CFAP107: variants seen among roughly 807,000 people sequenced by gnomAD.
CFAP107 encodes cilia- and flagella-associated protein 107.
At chr1:12,751,858 C>T in the CFAP107 span, among the ~76,000 whole-genome samples, 3 of 151,956 alleles carry the variant, frequency 2.0e-5, no homozygotes, top group African/African-American at 4.8e-5. Flanking sequence ...ATATAATTCT[C>T]CATGAAATGG....
the CFAP107 span, chr1:12,761,080 A>G: frequency 1.1e-6 from 1 of 873,612 alleles, no homozygotes; most frequent in South Asian, 1.9e-5. Flanking sequence ...TGCTCTCAGA[A>G]TCATCATCTG....
the CFAP107 span, chr1:12,759,588 C>G: frequency 4.9e-5 from 68 of 1,382,916 alleles, no homozygotes; most frequent in Non-Finnish European, 6.9e-5. Flanking sequence ...CACAGGTGAC[C>G]CTGGCTCCAG....
chr1:12,759,518 G>T, the CFAP107 span: 24 of 1,613,408 alleles, frequency 1.5e-5, no homozygotes, highest in Non-Finnish European at 2.0e-5. Context: ...ATTCCTCTGC[G>T]TTGGTCTGTA....
At chr1:12,748,519 G>T in the CFAP107 span, among the ~76,000 whole-genome samples, 276 of 149,964 alleles carry the variant, frequency 1.8e-3, 1 homozygote, top group African/African-American at 6.1e-3. Flanking sequence ...CCAGAAAAGA[G>T]TTGAGAATAT....
chr1:12,760,846 C>A, the CFAP107 span: 3 of 1,614,190 alleles, frequency 1.9e-6, no homozygotes, highest in East Asian at 2.2e-5. Context: ...TGAAGCAGAG[C>A]ACTTATACTT....
chr1:12,759,400 G>C, the CFAP107 span: 1 of 1,614,022 alleles, frequency 6.2e-7, no homozygotes, highest in African/African-American at 1.3e-5. Flanking sequence ...CAACCGGCAT[G>C]GTTACAACCC....
the CFAP107 span, among the ~76,000 whole-genome samples, chr1:12,757,162 A>C: frequency 6.6e-6 from 1 of 152,048 alleles, no homozygotes; most frequent in South Asian, 2.1e-4. Flanking sequence ...TGAGGTATTG[A>C]CCCTAGTTTT....
the CFAP107 span, among the ~76,000 whole-genome samples, chr1:12,751,559 G>A: frequency 3.3e-5 from 5 of 152,044 alleles, no homozygotes; most frequent in South Asian, 2.1e-4. Context: ...CCTGGGAGGC[G>A]GAGGTTTCAG....
At chr1:12,755,404 C>CA in the CFAP107 span, among the ~76,000 whole-genome samples, 48,986 of 142,868 alleles carry the variant, frequency 0.34, 8,608 homozygotes, top group African/African-American at 0.49. Context: ...ACTCCATGTC[C>CA]AAAAAAAAAA....
At chr1:12,760,788 G>T in the CFAP107 span, 3 of 1,613,778 alleles carry the variant, frequency 1.9e-6, no homozygotes, top group East Asian at 6.7e-5. Flanking sequence ...ACAAACTATG[G>T]ACTCTATGAG....
chr1:12,760,949 T>C, the CFAP107 span: 2 of 1,609,170 alleles, frequency 1.2e-6, no homozygotes, highest in Non-Finnish European at 1.7e-6. Context: ...CCCACACTTC[T>C]GAGAGCTGCC....
the CFAP107 span, among the ~76,000 whole-genome samples, chr1:12,751,705 A>G: frequency 6.6e-6 from 1 of 152,240 alleles, no homozygotes. Flanking sequence ...ATGATTATCT[A>G]TATTGACTAA....
chr1:12,754,616 T>C, the CFAP107 span, among the ~76,000 whole-genome samples: 2 of 152,212 alleles, frequency 1.3e-5, no homozygotes, highest in African/African-American at 2.4e-5. Context: ...AAGTACCCAC[T>C]GATGGATGAA....
chr1:12,749,654 T>G, the CFAP107 span, among the ~76,000 whole-genome samples: 1 of 149,456 alleles, frequency 6.7e-6, no homozygotes, highest in East Asian at 1.9e-4. Flanking sequence ...TTATTAGGGA[T>G]TTTCTCAGCA....
the CFAP107 span, among the ~76,000 whole-genome samples, chr1:12,749,232 A>C: frequency 2.6e-5 from 4 of 152,230 alleles, no homozygotes; most frequent in African/African-American, 4.8e-5. Context: ...CTTTATAATT[A>C]AGATATTGAA....
At chr1:12,755,405 A>AG in the CFAP107 span, among the ~76,000 whole-genome samples, 5 of 62,336 alleles carry the variant, frequency 8.0e-5, no homozygotes, top group Non-Finnish European at 6.4e-5. Context: ...CTCCATGTCC[A>AG]AAAAAAAAAA....
the CFAP107 span, chr1:12,761,560 G>A: frequency 2.8e-5 from 4 of 144,478 alleles, no homozygotes; most frequent in Non-Finnish European, 6.0e-5. Flanking sequence ...TTTTTGAGAC[G>A]GAGTGTCGCT....
chr1:12,761,355 A>G, the CFAP107 span: 1 of 157,640 alleles, frequency 6.3e-6, no homozygotes, highest in Non-Finnish European at 1.4e-5. Flanking sequence ...TGAAAACTCC[A>G]CAGAATGACT....
the CFAP107 span, among the ~76,000 whole-genome samples, chr1:12,755,301 A>G: frequency 6.6e-6 from 1 of 152,114 alleles, no homozygotes; most frequent in African/African-American, 2.4e-5. Context: ...GCTACTCAGG[A>G]GGCTGAGACA....
Sources: gnomAD v4.1 joint callset for allele counts (sites outside exome capture counted in the v4.1 genomes callset) on GRCh38, gnomAD v4.1.1 for gene constraint, MANE v1.5 for transcripts, NCBI Gene and HGNC (gene_info 2026-07-23, HGNC 2026-07-21) for gene names.